DAP: variants seen among roughly 807,000 people sequenced by gnomAD.
DAP encodes the protein death-associated protein 1.
DAP carries 8 observed loss-of-function variants against 13.8 expected under a neutral mutation model. That is an observed-to-expected ratio of 0.58 (90% CI 0.34 to 1.05). DAP has a LOEUF of 1.05. Among genes scored for constraint, DAP ranks in the 50% least tolerant of loss-of-function variants. The pLI, the probability that DAP is intolerant of heterozygous loss-of-function variation, is 0.03. For missense variants in DAP, 106 were observed against 133.2 expected, an observed-to-expected ratio of 0.80 and a Z score of 1.01; for synonymous variants, 47 against 47.5, an observed-to-expected ratio of 0.99 and a Z score of 0.04.
At chr5:10,730,409 C>T (rs886624789) in intron 2 of DAP, among the ~76,000 whole-genome samples, 1 of 152,232 alleles carries the variant, frequency 6.6e-6, no homozygotes, top group Non-Finnish European at 1.5e-5. Context: ...GACTGAGAGC[C>T]CCGGTGGGGG....
chr5:10,686,396 C>T (rs1042316502), intron 2 of DAP, among the ~76,000 whole-genome samples: 6 of 152,140 alleles, frequency 3.9e-5, no homozygotes, highest in Non-Finnish European at 7.3e-5. Flanking sequence ...GAAGACATGT[C>T]GGAAGCTCAG....
rs77148686 is a variant in DAP at position 10,751,343 on chromosome 5, G to A, written c.56-3072C>T. Among the ~76,000 whole-genome samples the A allele has an allele frequency of 3.4e-3, 518 of 152,288 alleles. 3 individuals are homozygous for A. Among genetic ancestry groups the A allele is most frequent in the African/African-American group, 0.011 (467 of 41,546 alleles). ...AGATTAAAAAGATTTCCCAGCCTACGTAGTTGGCCTCCCAATCAGAAATGG... is the reference window on the plus strand; with the variant it reads ...AGATTAAAAAGATTTCCCAGCCTACATAGTTGGCCTCCCAATCAGAAATGG... On this transcript the variant is annotated intron_variant, in intron 1 of 3. Coordinates refer to ENST00000230895, the MANE Select transcript of DAP (RefSeq NM_004394.3).
At position 10,696,787 on chromosome 5, in the gene DAP, C is replaced by T. The variant is rs192178773; in HGVS notation, c.153-13216G>A. On this transcript the variant is annotated intron_variant, in intron 2 of 3. Coordinates refer to ENST00000230895, the MANE Select transcript of DAP (RefSeq NM_004394.3). The stretch of plus-strand genomic sequence containing the variant: ...TCAGGGCTTCTTTGAAGAATGCCAG[C>T]GGGCCCACCTTGAGTTTCCTCACTC... Among the ~76,000 whole-genome samples, 8 of 152,230 alleles carry T rather than the reference C, an allele frequency of 5.3e-5. No homozygotes were observed. The East Asian group carries it at 9.7e-4, about 18-fold the overall frequency.
At chr5:10,755,444 G>A (rs1379347536) in intron 1 of DAP, among the ~76,000 whole-genome samples, 1 of 152,142 alleles carries the variant, frequency 6.6e-6, no homozygotes, top group African/African-American at 2.4e-5. Context: ...GCAGCCATAG[G>A]AAACTGATGT....
chr5:10,746,543 T>G (rs1028895902), intron 2 of DAP, among the ~76,000 whole-genome samples: 6 of 152,110 alleles, frequency 3.9e-5, no homozygotes, highest in African/African-American at 1.4e-4. Flanking sequence ...TTGGCCAGGC[T>G]GGTCTCGCAC....
At chr5:10,759,246 T>C (rs747523022) in intron 1 of DAP, among the ~76,000 whole-genome samples, 4 of 152,198 alleles carry the variant, frequency 2.6e-5, no homozygotes, top group Admixed American at 6.5e-5. Flanking sequence ...TACTGTACTT[T>C]GGTTCTGTAT....
At chr5:10,745,609 A>G (rs981695662) in intron 2 of DAP, among the ~76,000 whole-genome samples, 3 of 152,096 alleles carry the variant, frequency 2.0e-5, no homozygotes, top group Non-Finnish European at 2.9e-5. Context: ...CTGCATGTCA[A>G]CTCATGAAAA....
chr5:10,744,070 A>G (rs578048768), intron 2 of DAP, among the ~76,000 whole-genome samples: 7 of 152,316 alleles, frequency 4.6e-5, no homozygotes, highest in African/African-American at 1.7e-4. Context: ...AACATCTTTA[A>G]TCTTCCACTT....
intron 1 of DAP, among the ~76,000 whole-genome samples, chr5:10,754,975 G>A (rs970007595): frequency 2.0e-5 from 3 of 152,182 alleles, no homozygotes; most frequent in African/African-American, 7.2e-5. Context: ...GAGGGTTGTA[G>A]ATGGAATTAA....
At chr5:10,741,283 G>A (rs572628254) in intron 2 of DAP, among the ~76,000 whole-genome samples, 26 of 152,306 alleles carry the variant, frequency 1.7e-4, no homozygotes, top group South Asian at 8.3e-4. Context: ...AGCCCAGGAG[G>A]CTGAGGCTGC....
At chr5:10,730,603 G>A (rs1390645071) in intron 2 of DAP, among the ~76,000 whole-genome samples, 1 of 141,996 alleles carries the variant, frequency 7.0e-6, no homozygotes, top group South Asian at 2.4e-4. Flanking sequence ...TGTACTGAGA[G>A]CCCGGGTCGG....
intron 2 of DAP, chr5:10,733,637 A>G (rs382031): frequency 0.93 from 141,599 of 152,292 alleles, 66,142 homozygotes; most frequent in Non-Finnish European, 0.97. Flanking sequence ...CTTAGGGGAT[A>G]TGCACTATAA....
At chr5:10,708,437 TATCA>T (rs1738756890) in intron 2 of DAP, among the ~76,000 whole-genome samples, 1 of 111,698 alleles carries the variant, frequency 9.0e-6, no homozygotes, top group Admixed American at 9.7e-5. Context: ...CATATACACA[TATCA>T]GACACACACA....
At chr5:10,713,512 G>C (rs1344430779) in intron 2 of DAP, among the ~76,000 whole-genome samples, 1 of 152,200 alleles carries the variant, frequency 6.6e-6, no homozygotes, top group Non-Finnish European at 1.5e-5. Flanking sequence ...CTCAAGGCTG[G>C]CATCTTCTCA....
chr5:10,734,499 G>A (rs1739555089), intron 2 of DAP, among the ~76,000 whole-genome samples: 1 of 152,292 alleles, frequency 6.6e-6, no homozygotes, highest in Admixed American at 6.5e-5. Context: ...GTGCCGCTCT[G>A]TGGCGAGGCT....
At chr5:10,717,162 T>C (rs1241300552) in intron 2 of DAP, among the ~76,000 whole-genome samples, 2 of 152,102 alleles carry the variant, frequency 1.3e-5, no homozygotes, top group African/African-American at 4.8e-5. Flanking sequence ...GACAAACTGA[T>C]GAAAGAAAAT....
At chr5:10,712,771 T>A (rs892051158) in intron 2 of DAP, among the ~76,000 whole-genome samples, 4 of 152,226 alleles carry the variant, frequency 2.6e-5, no homozygotes, top group African/African-American at 4.8e-5. Context: ...GCCCTTAGCT[T>A]CTCAGGGCTT....
At chr5:10,690,062 A>C (rs968174110) in intron 2 of DAP, among the ~76,000 whole-genome samples, 3 of 152,028 alleles carry the variant, frequency 2.0e-5, no homozygotes, top group African/African-American at 7.3e-5. Context: ...AAAGAAAAGA[A>C]CCCCATGTGT....
intron 2 of DAP, among the ~76,000 whole-genome samples, chr5:10,730,627 C>G (rs1428520918): frequency 4.6e-4 from 52 of 113,228 alleles, no homozygotes; most frequent in African/African-American, 6.5e-4. Context: ...GAATCTTTCT[C>G]TATTGAGAGC....
Sources: gnomAD v4.1 joint callset for allele counts (sites outside exome capture counted in the v4.1 genomes callset) on GRCh38, gnomAD v4.1.1 for gene constraint, MANE v1.5 for transcripts, NCBI Gene and HGNC (gene_info 2026-07-23, HGNC 2026-07-21) for gene names.